Variants in WASHC2A observed in about 807,000 individuals in gnomAD.
The protein encoded by WASHC2A is WASH complex subunit FAM21A.
A neutral mutation model predicts 140.3 loss-of-function variants in WASHC2A; 82 were observed. The ratio of observed to expected loss-of-function variants is 0.58; its 90% CI spans 0.49 to 0.70. WASHC2A has a LOEUF of 0.70. Among genes scored for constraint, WASHC2A ranks in the 30% least tolerant of loss-of-function variants. The pLI, the probability that WASHC2A is intolerant of heterozygous loss-of-function variation, is 0.00. For missense variants in WASHC2A, 985 were observed against 1,521.8 expected, an observed-to-expected ratio of 0.65 and a Z score of 5.87; for synonymous variants, 340 against 560.8, an observed-to-expected ratio of 0.61 and a Z score of 5.56.
rs1838503545 is a variant in WASHC2A, at chr10:50,077,748, C to T, written c.292-927C>T. Among the ~76,000 whole-genome samples the T allele has an allele frequency of 4.6e-5, 7 of 151,880 alleles. No individual in the cohort carries two copies. In the South Asian group the frequency reaches 1.3e-3, roughly 27 times the overall value. On this transcript the variant is annotated intron_variant, in intron 3 of 30. Coordinates refer to ENST00000282633, the MANE Select transcript of WASHC2A (RefSeq NM_001005751.3). ...AGTGCAGTGGTGCAATCAGGGCTCA[C>T]TGCAGCCTTTACCTCCCAAGCTCAA...
chr10:50,087,798 A>G (rs1341551057), intron 8 of WASHC2A, among the ~76,000 whole-genome samples: 1 of 152,160 alleles, frequency 6.6e-6, no homozygotes, highest in Admixed American at 6.5e-5. Context: ...TTAACATTTT[A>G]TAAATGTATC....
rs1361230041 is a variant in WASHC2A at position 50,131,174 on chromosome 10, T to C, written c.3886+96T>C. 3.2e-6 allele frequency: 5 copies of C among 1,570,680 alleles called. No individual in the cohort carries two copies. The Admixed American group carries it at 8.4e-5, about 26-fold the overall frequency. ...CTTTTCTTGGCCCTTTTCTGGAAAA[T>C]GCACCCCAGCGGGTTCACTTCAGTG... On this transcript the variant is annotated intron_variant, in intron 30 of 30. Transcript: ENST00000282633.
chr10:50,112,171 G>C, intron 20 of WASHC2A: 1 of 982,486 alleles, frequency 1.0e-6, no homozygotes, highest in Non-Finnish European at 1.2e-6. Flanking sequence ...ATTCCCATGA[G>C]TGTCCACTAC....
intron 5 of WASHC2A, among the ~76,000 whole-genome samples, chr10:50,081,725 T>C (rs878913992): frequency 0.16 from 23,761 of 150,512 alleles, 1,939 homozygotes; most frequent in Middle Eastern, 0.23. Context: ...CTCTGCCTCC[T>C]GGGTTCAAGC....
chr10:50,090,515 A>AAATAT (rs1214596899), intron 8 of WASHC2A, among the ~76,000 whole-genome samples: 5 of 108,766 alleles, frequency 4.6e-5, no homozygotes, highest in African/African-American at 1.3e-4. Flanking sequence ...AAAAAAAAAA[A>AAATAT]ATATATATAT....
chr10:50,081,736 G>T (rs1355609317), intron 5 of WASHC2A, among the ~76,000 whole-genome samples: 1 of 151,664 alleles, frequency 6.6e-6, no homozygotes, highest in Admixed American at 6.6e-5. Context: ...GGGTTCAAGC[G>T]ATTCTCCTGC....
In WASHC2A at chr10:50,075,669, T is replaced by C. The variant is rs1353681093; in HGVS notation, c.292-3006T>C. Among the ~76,000 whole-genome samples, 2 of 149,272 alleles carry C rather than the reference T, an allele frequency of 1.3e-5. 1 individual carries two copies. Among genetic ancestry groups the C allele is most frequent in the Non-Finnish European group, 3.0e-5 (2 of 67,274 alleles). On this transcript the variant is annotated intron_variant, in intron 3 of 30. Coordinates refer to ENST00000282633, the MANE Select transcript of WASHC2A (RefSeq NM_001005751.3). The stretch of plus-strand genomic sequence containing the variant: ...TTGTTCTTTTCTTCATTGACTATTA[T>C]GTATGAACGTTTGTGTGTGTTTATG...
chr10:50,107,635 T>C (rs550367495), intron 19 of WASHC2A, among the ~76,000 whole-genome samples: 74 of 152,182 alleles, frequency 4.9e-4, no homozygotes, highest in African/African-American at 1.7e-3. Flanking sequence ...ATTAAAAGCT[T>C]ATGCGGCCGG....
intron 28 of WASHC2A, among the ~76,000 whole-genome samples, chr10:50,129,014 G>T (rs1843690626): frequency 6.6e-6 from 1 of 152,012 alleles, no homozygotes. Flanking sequence ...GTTAGTACCA[G>T]AATTCCCCGA....
At chr10:50,124,052 T>G (rs1164179736) in intron 23 of WASHC2A, among the ~76,000 whole-genome samples, 161 of 152,284 alleles carry the variant, frequency 1.1e-3, no homozygotes, top group African/African-American at 3.7e-3. Flanking sequence ...TTAATGTGAT[T>G]TATTTTGTTA....
chr10:50,116,188 T>A, intron 21 of WASHC2A, among the ~76,000 whole-genome samples: 1 of 125,560 alleles, frequency 8.0e-6, no homozygotes, highest in East Asian at 2.3e-4. Context: ...TCAAGAAGAT[T>A]AAAACTGGTA....
At chr10:50,102,143 A>G (rs1341883518) in intron 17 of WASHC2A, among the ~76,000 whole-genome samples, 5 of 152,204 alleles carry the variant, frequency 3.3e-5, no homozygotes, top group East Asian at 3.9e-4. Flanking sequence ...TGAAAACCCT[A>G]CCAAAGGCTT....
chr10:50,082,668 G>A (rs1472295015), intron 5 of WASHC2A, among the ~76,000 whole-genome samples: 2 of 148,800 alleles, frequency 1.3e-5, no homozygotes, highest in African/African-American at 2.5e-5. Flanking sequence ...TAGTAGAGAC[G>A]GGGTTTCACC....
chr10:50,106,251 C>T, intron 18 of WASHC2A, 83 bp from the exon 19 acceptor site: 2 of 1,366,830 alleles, frequency 1.5e-6, no homozygotes, highest in South Asian at 2.4e-5. Flanking sequence ...TGGAGACTTA[C>T]TTCCTTAAAG....
rs1385966961 is a variant in WASHC2A at position 50,133,462 on chromosome 10, C to G, written c.*517C>G. 2.1e-6 allele frequency: 1 copy of G among 469,790 alleles called. No homozygotes were observed. Among genetic ancestry groups the G allele is most frequent in the African/African-American group, 2.0e-5 (1 of 50,020 alleles). The allele number at this position is 469,790 out of a possible 1,614,324, so 29.1% of individuals were successfully genotyped here. A position where few individuals can be genotyped will look rare whatever the true frequency, so the allele number is the denominator to read the frequency against. On this transcript the variant is annotated 3_prime_UTR_variant, in exon 31 of 31. Coordinates refer to ENST00000282633, the MANE Select transcript of WASHC2A (RefSeq NM_001005751.3). Reference sequence around the variant, plus strand: ...GGCAAAGTTTGGCAAACTGTGGCCCCCCCACTGTCATATTTTGTTAATAAA... The same window carrying G: ...GGCAAAGTTTGGCAAACTGTGGCCCGCCCACTGTCATATTTTGTTAATAAA...
At chr10:50,110,763 C>T (rs1426594871) in intron 20 of WASHC2A, among the ~76,000 whole-genome samples, 9 of 151,630 alleles carry the variant, frequency 5.9e-5, no homozygotes, top group East Asian at 1.9e-4. Context: ...TGTGGTGGCA[C>T]GCGCCTGTAG....
At chr10:50,098,913 A>G (rs1276034567) in intron 16 of WASHC2A, among the ~76,000 whole-genome samples, 1 of 150,514 alleles carries the variant, frequency 6.6e-6, no homozygotes, top group African/African-American at 2.4e-5. Context: ...TCATTCAGAC[A>G]CGTTTGTCAC....
In WASHC2A at chr10:50,119,721, A is replaced by G; in HGVS notation, c.2430A>G (p.Lys810=). Residue 810 remains lysine (K), a synonymous_variant, in exon 23 of 31, where the codon AAA becomes AAG. Transcript: ENST00000282633. ...GCTTGTTTGATGAGGAAGAGGATAA[A>G]ATGGAAGATCAAAACATTATCCAGG... The part of the protein sequence containing the change: ...VLSLFDEEED[K]MEDQNIIQAP... 3.1e-6 allele frequency: 5 copies of G among 1,604,376 alleles called. No homozygotes were observed. The highest frequency in any genetic ancestry group is 4.2e-6 in the Non-Finnish European group (5 of 1,179,528).
At chr10:50,074,540 AT>A (rs1407653263) in intron 3 of WASHC2A, among the ~76,000 whole-genome samples, 13 of 151,912 alleles carry the variant, frequency 8.6e-5, no homozygotes, top group Non-Finnish European at 4.4e-5. Flanking sequence ...ATCATGTGAA[AT>A]TTCCTCAGCT....
Sources: allele counts gnomAD v4.1 joint callset (sites outside exome capture counted in the v4.1 genomes callset), GRCh38; gene constraint gnomAD v4.1.1; transcripts MANE v1.5; gene names NCBI Gene and HGNC (gene_info 2026-07-23, HGNC 2026-07-21).